The following DSC3 variants were observed in gnomAD, a reference collection of about 807,000 sequenced individuals.
The protein encoded by DSC3 is desmocollin 3, also known as desmocollin-3.
A neutral mutation model predicts 89.5 loss-of-function variants in DSC3; 97 were observed. The observed-to-expected ratio is 1.08, with a 90% CI of 0.92 to 1.28. DSC3 has a LOEUF of 1.28. Among genes scored for constraint, DSC3 ranks in the 50% most tolerant of loss-of-function variants. The pLI, the probability that DSC3 is intolerant of heterozygous loss-of-function variation, is 0.00. For synonymous variants in DSC3, 436 were observed against 384.1 expected, an observed-to-expected ratio of 1.14 and a Z score of -1.58; for missense variants, 1,199 against 1,085.3, an observed-to-expected ratio of 1.10 and a Z score of -1.47.
intron 1 of DSC3, among the ~76,000 whole-genome samples, chr18:31,032,597 CGT>C (rs1234765073): frequency 1.1e-4 from 13 of 116,176 alleles, no homozygotes; most frequent in Non-Finnish European, 1.9e-4. Flanking sequence ...TGTGCGTGTG[CGT>C]GTGCGTGTGC....
chr18:31,041,434 C>T (rs1343866514), intron 1 of DSC3, among the ~76,000 whole-genome samples: 1 of 152,148 alleles, frequency 6.6e-6, no homozygotes, highest in African/African-American at 2.4e-5. Context: ...ACTACCAATC[C>T]CATATTCATA....
chr18:31,005,970 C>T (rs561819382), intron 12 of DSC3, among the ~76,000 whole-genome samples: 5 of 152,162 alleles, frequency 3.3e-5, no homozygotes, highest in African/African-American at 9.6e-5. Flanking sequence ...ATATCATGCT[C>T]ATAAATATCA....
At chr18:31,037,698 G>A (rs1179091522) in intron 1 of DSC3, among the ~76,000 whole-genome samples, 2 of 152,116 alleles carry the variant, frequency 1.3e-5, no homozygotes, top group East Asian at 1.9e-4. Context: ...TCAGGAGTTC[G>A]AGACATGCCG....
chr18:31,008,879 G>A (rs952055457), intron 9 of DSC3, among the ~76,000 whole-genome samples: 5 of 152,098 alleles, frequency 3.3e-5, no homozygotes, highest in African/African-American at 1.2e-4. Context: ...CTGGGCTAAC[G>A]GTCATCTGAG....
chr18:31,028,596 G>C (rs775180821), intron 4 of DSC3, among the ~76,000 whole-genome samples: 1 of 151,992 alleles, frequency 6.6e-6, no homozygotes, highest in Non-Finnish European at 1.5e-5. Context: ...GACTGTGGAA[G>C]GATAGTTAAA....
At chr18:31,019,324 C>T (rs778729411) in intron 7 of DSC3, among the ~76,000 whole-genome samples, 3 of 152,100 alleles carry the variant, frequency 2.0e-5, no homozygotes, top group African/African-American at 7.2e-5. Flanking sequence ...CTCCCGATCT[C>T]GTGATTCACC....
chr18:31,026,318 A>C (rs1199282711), intron 4 of DSC3, among the ~76,000 whole-genome samples: 4 of 152,062 alleles, frequency 2.6e-5, no homozygotes, highest in African/African-American at 9.7e-5. Context: ...TAATGAGGTA[A>C]TAGGGGCCAC....
At chr18:31,006,852 C>T in intron 12 of DSC3, 55 bp downstream of exon 12, 2 of 1,364,530 alleles carry the variant, frequency 1.5e-6, no homozygotes, top group South Asian at 1.2e-5. Flanking sequence ...GTCAATCTAT[C>T]CTCCAGTTAT....
chr18:31,007,875 T>C, intron 11 of DSC3, 141 bp downstream of exon 11: 1 of 802,700 alleles, frequency 1.2e-6, no homozygotes, highest in Non-Finnish European at 2.0e-6. Context: ...CCTTGTTAGA[T>C]AATTAAGAGA....
intron 1 of DSC3, among the ~76,000 whole-genome samples, chr18:31,042,013 G>A (rs975495762): frequency 2.0e-5 from 3 of 152,074 alleles, no homozygotes; most frequent in African/African-American, 7.2e-5. Context: ...GCTGGCGGGG[G>A]TGGACCGCTT....
chr18:31,027,149 A>G (rs145345051), intron 4 of DSC3, among the ~76,000 whole-genome samples: 83 of 152,276 alleles, frequency 5.5e-4, no homozygotes, highest in Middle Eastern at 6.8e-3. Flanking sequence ...TTGAAGCTCA[A>G]TATCTGTTTC....
chr18:31,037,835 G>A (rs1986020123), intron 1 of DSC3, among the ~76,000 whole-genome samples: 1 of 151,894 alleles, frequency 6.6e-6, no homozygotes, highest in African/African-American at 2.4e-5. Context: ...GGGAGGCGGA[G>A]GTTGCAGTGA....
Position 31,018,743 on chromosome 18 carries a change from C to G in DSC3, c.1000G>C (p.Gly334Arg), listed in dbSNP as rs1985318185. The part of the protein sequence containing the change: ...KVQDMDGQFF[G>R]LIGTSTCIIT... ...ATACAAGTTGATGTGCCTATCAATC[C>G]AAAAAACTGGCCATCCATGTCTTGT... Residue 334 changes from glycine (G) to arginine (R), a missense_variant, in exon 8 of 16, where the codon GGA (glycine) becomes CGA (arginine). Coordinates refer to ENST00000360428, the MANE Select transcript of DSC3 (RefSeq NM_001941.5). The G allele has an allele frequency of 6.2e-7, 1 of 1,613,582 alleles. No individual in the cohort carries two copies. The highest frequency in any genetic ancestry group is 1.3e-5 in the African/African-American group (1 of 74,870).
At chr18:31,029,762 C>A (rs899762225) in intron 3 of DSC3, 134 bp from the exon 4 acceptor site, 1 of 1,116,342 alleles carries the variant, frequency 9.0e-7, no homozygotes, top group Non-Finnish European at 1.3e-6. Flanking sequence ...TGGAGCTAAA[C>A]CAGTTAATAA....
intron 4 of DSC3, among the ~76,000 whole-genome samples, chr18:31,026,997 A>T (rs759151104): frequency 2.0e-5 from 3 of 152,132 alleles, no homozygotes; most frequent in Non-Finnish European, 2.9e-5. Flanking sequence ...ACCAGATCAC[A>T]CTTTTACAAG....
chr18:31,008,439 C>T lies in DSC3; in HGVS notation c.1350G>A (p.Val450=), dbSNP rs763518529. ...EAPFARDIPR[V]TALNRALVTV... is the part of the protein sequence containing the mutation. ...TAACCAAGGCTCTGTTCAAGGCTGT[C>T]ACTCTGGGAATATCTCTAGCAAATG... Residue 450 remains valine, a synonymous_variant, in exon 10 of 16, where the codon GTG becomes GTA. Transcript: ENST00000360428. 3 of 1,614,048 alleles carry T rather than the reference C, an allele frequency of 1.9e-6. No homozygotes were observed. Among genetic ancestry groups the T allele is most frequent in the East Asian group, 2.2e-5 (1 of 44,882 alleles).
At chr18:31,032,535 TCTAA>T (rs1305757853) in intron 1 of DSC3, among the ~76,000 whole-genome samples, 3 of 151,542 alleles carry the variant, frequency 2.0e-5, no homozygotes, top group East Asian at 2.0e-4. Context: ...TCTGCTCTGC[TCTAA>T]CTGCTTCTGT....
intron 14 of DSC3, among the ~76,000 whole-genome samples, chr18:30,999,293 A>G (rs1984575771): frequency 6.6e-6 from 1 of 152,312 alleles, no homozygotes; most frequent in Admixed American, 6.5e-5. Flanking sequence ...TGATTTATTG[A>G]ACCTGAAATA....
At chr18:31,019,008 C>T (rs767012626) in intron 7 of DSC3, among the ~76,000 whole-genome samples, 8 of 152,186 alleles carry the variant, frequency 5.3e-5, no homozygotes, top group Admixed American at 2.0e-4. Flanking sequence ...TACAAAGACC[C>T]GTACTCAGAA....
Sources: allele counts gnomAD v4.1 joint callset (sites outside exome capture counted in the v4.1 genomes callset), GRCh38; gene constraint gnomAD v4.1.1; transcripts MANE v1.5; gene names NCBI Gene and HGNC (gene_info 2026-07-23, HGNC 2026-07-21).